Variants in ATP10D observed in about 807,000 individuals in gnomAD.
ATP10D encodes ATPase phospholipid transporting 10D (putative).
A neutral mutation model predicts 144.8 loss-of-function variants in ATP10D; 89 were observed. The ratio of observed to expected loss-of-function variants is 0.61; its 90% CI spans 0.52 to 0.73. ATP10D has a LOEUF of 0.73. Among genes scored for constraint, ATP10D ranks in the 30% least tolerant of loss-of-function variants. The pLI is 0.00. For missense variants in ATP10D, 1,603 were observed against 1,714.8 expected (o/e 0.93, Z 1.15); for synonymous variants, 571 against 615.1 (o/e 0.93, Z 1.06).
chr4:47,586,422 G>A (rs1720794874), intron 21 of ATP10D, among the ~76,000 whole-genome samples: 2 of 152,204 alleles, frequency 1.3e-5, no homozygotes, highest in African/African-American at 4.8e-5. Context: ...GGTCAGTATG[G>A]AAGGAAAGGA....
At chr4:47,531,838 A>G (rs1055218137) in intron 5 of ATP10D, among the ~76,000 whole-genome samples, 1 of 151,846 alleles carries the variant, frequency 6.6e-6, no homozygotes, top group Non-Finnish European at 1.5e-5. Flanking sequence ...GGGCACGCTG[A>G]CTCCCTGATG....
At chr4:47,586,331 A>C (rs1720791618) in intron 21 of ATP10D, among the ~76,000 whole-genome samples, 1 of 152,250 alleles carries the variant, frequency 6.6e-6, no homozygotes, top group African/African-American at 2.4e-5. Context: ...TATGACACGC[A>C]AACATTTATT....
rs369968292 is a variant in ATP10D, at chr4:47,554,907, G to A, written c.1817G>A (p.Arg606Gln). Residue 606 changes from arginine to glutamine, a missense_variant, in exon 11 of 23, where the codon CGA becomes CAA. By Grantham distance (43) the Arg-to-Gln change is conservative (BLOSUM62 1). Coordinates refer to ENST00000273859, the MANE Select transcript of ATP10D (RefSeq NM_020453.4). Reference sequence around the variant, plus strand: ...GTGGTTTCTGCTCCTAACCAACCCCGACAAAAGGTGAGTAAGTTCTCTAAT... The same window carrying A: ...GTGGTTTCTGCTCCTAACCAACCCCAACAAAAGGTGAGTAAGTTCTCTAAT... The part of the protein sequence containing the change: ...TVVVSAPNQP[R>Q]QKIRHPSLGG... 115 of 1,612,804 alleles carry A rather than the reference G, an allele frequency of 7.1e-5. No homozygotes were observed. The highest frequency in any genetic ancestry group is 1.6e-4 in the Middle Eastern group (1 of 6,076).
chr4:47,541,113 A>T (rs528338705), intron 9 of ATP10D, among the ~76,000 whole-genome samples: 6 of 152,326 alleles, frequency 3.9e-5, no homozygotes, highest in African/African-American at 1.4e-4. Flanking sequence ...GATCAATGAC[A>T]CTATCTATCT....
At chr4:47,578,245 G>C (rs1172464226) in intron 19 of ATP10D, 3 of 152,148 alleles carry the variant, frequency 2.0e-5, no homozygotes, top group Non-Finnish European at 4.4e-5. Flanking sequence ...ACAAAATTAT[G>C]TTTTATGCTT....
At chr4:47,564,527 T>A (rs550468694) in intron 15 of ATP10D, among the ~76,000 whole-genome samples, 2 of 152,240 alleles carry the variant, frequency 1.3e-5, no homozygotes, top group Non-Finnish European at 2.9e-5. Flanking sequence ...AAAAATAGAC[T>A]CAGGGAAATC....
chr4:47,554,955 A>G (rs1464279218), intron 11 of ATP10D, 41 bp downstream of exon 11: 1 of 1,571,148 alleles, frequency 6.4e-7, no homozygotes, highest in Non-Finnish European at 8.7e-7. Flanking sequence ...CACTTTCCAG[A>G]AGAGAATTTT....
In ATP10D at chr4:47,512,660, C is replaced by T. The variant is rs1178745999; in HGVS notation, c.120C>T (p.Ser40=). 1 of 1,614,182 alleles carries T rather than the reference C, an allele frequency of 6.2e-7. No individual in the cohort carries two copies. Among genetic ancestry groups the T allele is most frequent in the South Asian group, 1.1e-5 (1 of 91,084 alleles). The change falls in exon 2 of 23, where the codon TCC becomes TCT. Residue 40 remains serine, a synonymous_variant. Coordinates refer to ENST00000273859, the MANE Select transcript of ATP10D (RefSeq NM_020453.4). ...YSSLLACGRK[S]SQTPKLSGRH... is the part of the protein sequence containing the mutation. ...CGTTGCTCGCCTGTGGGCGCAAGTCCTCTCAGACCCCTAAACTGTCAGGAA... is the reference window on the plus strand; with the variant it reads ...CGTTGCTCGCCTGTGGGCGCAAGTCTTCTCAGACCCCTAAACTGTCAGGAA...
Position 47,535,956 on chromosome 4 carries a change from A to G in ATP10D, c.938A>G (p.Lys313Arg). ...AGTGGGCCACGGTATAAGCGCAGCA[A>G]ATTAGAAAGAAGAGCAAACACAGAT... ...NNSGPRYKRS[K>R]LERRANTDVL... is the part of the protein sequence containing the mutation. Residue 313 changes from lysine (K) to arginine (R), a missense_variant, in exon 7 of 23, where the codon AAA becomes AGA. Lys to Arg is a conservative substitution (Grantham distance 26). Transcript: ENST00000273859. 1 of 1,613,240 alleles carries G rather than the reference A, an allele frequency of 6.2e-7. No individual in the cohort carries two copies. The highest frequency in any genetic ancestry group is 8.5e-7 in the Non-Finnish European group (1 of 1,179,364).
At chr4:47,538,389 C>A (rs1275594201) in intron 9 of ATP10D, among the ~76,000 whole-genome samples, 1 of 152,124 alleles carries the variant, frequency 6.6e-6, no homozygotes, top group African/African-American at 2.4e-5. Context: ...AAAACAAGTT[C>A]TTAAATACTT....
At chr4:47,569,226 C>T in intron 16 of ATP10D, 80 bp downstream of exon 16, 2 of 1,462,098 alleles carry the variant, frequency 1.4e-6, no homozygotes, top group Middle Eastern at 2.5e-4. Context: ...TCTTTCTTCT[C>T]CCACTGTTCC....
In ATP10D at chr4:47,569,068, T is replaced by C; in HGVS notation, c.3085T>C (p.Cys1029Arg). ...LTSWCQAVVC[C>R]RATPLQKSEV... ...ATCTTGGTGTCAAGCTGTGGTCTGC[T>C]GCCGAGCCACACCGCTGCAGAAAAG... Residue 1029 changes from cysteine (C) to arginine (R), a missense_variant, in exon 16 of 23, where the codon TGC becomes CGC. Coordinates refer to ENST00000273859, the MANE Select transcript of ATP10D (RefSeq NM_020453.4). 6.2e-7 allele frequency: 1 copy of C among 1,614,134 alleles called. No homozygotes were observed. The highest frequency in any genetic ancestry group is 8.5e-7 in the Non-Finnish European group (1 of 1,180,032).
intron 11 of ATP10D, among the ~76,000 whole-genome samples, chr4:47,556,096 C>A (rs1289196396): frequency 4.6e-5 from 7 of 152,342 alleles, no homozygotes; most frequent in Admixed American, 1.3e-4. Flanking sequence ...GCTTAGAATT[C>A]ATGGAAAATT....
At position 47,525,607 on chromosome 4, in the gene ATP10D, C is replaced by T; in HGVS notation, c.741C>T (p.Ser247=). ...EKFSSRIECE[S]PNNDLSRFRG... ...TTTCCAGTAGGATAGAATGTGAAAG[C>T]CCAAACAATGACCTCAGCAGATTCC... The change falls in exon 5 of 23, where the codon AGC becomes AGT. Residue 247 remains serine, a synonymous_variant. Transcript: ENST00000273859. 6.2e-7 allele frequency: 1 copy of T among 1,613,512 alleles called. No individual in the cohort carries two copies. The highest frequency in any genetic ancestry group is 8.5e-7 in the Non-Finnish European group (1 of 1,179,570).
chr4:47,543,631 A>C (rs554009956), intron 9 of ATP10D, among the ~76,000 whole-genome samples: 1 of 152,298 alleles, frequency 6.6e-6, no homozygotes, highest in African/African-American at 2.4e-5. Context: ...GAGGAGCTAT[A>C]ATATAGTGGG....
chr4:47,502,484 A>T (rs1182277574), intron 1 of ATP10D, among the ~76,000 whole-genome samples: 1 of 149,582 alleles, frequency 6.7e-6, no homozygotes, highest in African/African-American at 2.5e-5. Flanking sequence ...AAAAAAAAAA[A>T]TCTGAAGTGT....
chr4:47,510,566 G>A (rs1362155002), intron 1 of ATP10D, among the ~76,000 whole-genome samples: 2 of 152,174 alleles, frequency 1.3e-5, no homozygotes, highest in Non-Finnish European at 2.9e-5. Context: ...GGGGAAAGAT[G>A]TAGTTCTTGT....
intron 13 of ATP10D, among the ~76,000 whole-genome samples, chr4:47,559,946 A>T (rs1719208302): frequency 6.6e-6 from 1 of 152,010 alleles, no homozygotes; most frequent in Non-Finnish European, 1.5e-5. Flanking sequence ...GTTGCAGTGA[A>T]CTGAGATTGC....
At chr4:47,565,604 A>G (rs989021866) in intron 15 of ATP10D, among the ~76,000 whole-genome samples, 2 of 152,184 alleles carry the variant, frequency 1.3e-5, no homozygotes, top group African/African-American at 2.4e-5. Flanking sequence ...TTTTGTGAGC[A>G]TTAAATGAAA....
Sources: gnomAD v4.1 joint callset for allele counts (sites outside exome capture counted in the v4.1 genomes callset) on GRCh38, gnomAD v4.1.1 for gene constraint, MANE v1.5 for transcripts, NCBI Gene and HGNC (gene_info 2026-07-23, HGNC 2026-07-21) for gene names.